SORBS2: variants seen among roughly 807,000 people sequenced by gnomAD.
SORBS2 encodes sorbin and SH3 domain containing 2, also known as sorbin and SH3 domain-containing protein 2.
Under a neutral mutation model 97.7 loss-of-function variants are expected in SORBS2, and 46 were observed. The observed-to-expected ratio is 0.47, with a 90% confidence interval of 0.37 to 0.60. The LOEUF (loss-of-function observed/expected upper bound fraction) is 0.60. Among genes scored for constraint, SORBS2 ranks in the 20% least tolerant of loss-of-function variants. SORBS2 has a pLI of 0.00. For synonymous variants in SORBS2, 476 were observed against 473.4 expected (o/e 1.01, Z -0.07); for missense variants, 1,316 against 1,282.3 (o/e 1.03, Z -0.40).
At chr4:185,685,105 A>T (rs1343017311) in intron 2 of SORBS2, among the ~76,000 whole-genome samples, 1 of 152,192 alleles carries the variant, frequency 6.6e-6, no homozygotes, top group Non-Finnish European at 1.5e-5. Flanking sequence ...TTAATACTTA[A>T]CATTTTATGG....
Position 185,623,056 on chromosome 4 carries a change from G to C in SORBS2, c.2073C>G (p.Leu691=). Residue 691 remains leucine (L), a synonymous_variant, in exon 7 of 15, where the codon CTC becomes CTG. Coordinates refer to ENST00000418609, the Ensembl canonical transcript of SORBS2. The surrounding 1 kb of genome is among the most constrained non-coding windows in gnomAD (Gnocchi z 6.4). ...TAGCACCATCGGGAGGCAGTGGGTG[G>C]AGAGGCTGGTGCAGGGGGCTCCTCC... 6.2e-7 allele frequency: 1 copy of C among 1,614,164 alleles called. No homozygotes were observed. Among genetic ancestry groups the C allele is most frequent in the Non-Finnish European group, 8.5e-7 (1 of 1,180,024 alleles).
intron 2 of SORBS2, 94 bp from the exon 12 acceptor site, chr4:185,649,750 G>C: frequency 1.4e-6 from 1 of 731,098 alleles, no homozygotes; most frequent in East Asian, 3.1e-5. Flanking sequence ...AATAGCCAAT[G>C]ATTGCATAGA....
intron 2 of SORBS2, among the ~76,000 whole-genome samples, chr4:185,691,578 A>G (rs12512174): frequency 0.055 from 8,296 of 152,202 alleles, 455 homozygotes; most frequent in East Asian, 0.22. Context: ...CACTGTCAAG[A>G]AAGATGAGAT....
chr4:185,885,141 C>A (rs1376763929), intron 1 of SORBS2, among the ~76,000 whole-genome samples: 1 of 152,230 alleles, frequency 6.6e-6, no homozygotes, highest in East Asian at 1.9e-4. Context: ...CATAAGCTCA[C>A]AGGCCTCTTC....
chr4:185,864,742 C>A (rs2099225834), intron 1 of SORBS2, among the ~76,000 whole-genome samples: 1 of 152,000 alleles, frequency 6.6e-6, no homozygotes, highest in South Asian at 2.1e-4. Flanking sequence ...GAAACCCTGT[C>A]TCTACTAAAA....
intron 2 of SORBS2, among the ~76,000 whole-genome samples, chr4:185,700,672 A>T (rs984233476): frequency 6.6e-6 from 1 of 152,188 alleles, no homozygotes; most frequent in African/African-American, 2.4e-5. Context: ...CATCTGGTTC[A>T]CAATTGTCAT....
At chr4:185,741,151 A>C (rs1404960143) in intron 2 of SORBS2, among the ~76,000 whole-genome samples, 1 of 152,124 alleles carries the variant, frequency 6.6e-6, no homozygotes, top group Non-Finnish European at 1.5e-5. Context: ...CCTTGACTAA[A>C]TATGACTCTG....
intron 1 of SORBS2, among the ~76,000 whole-genome samples, chr4:185,850,911 G>A (rs1201577506): frequency 1.3e-5 from 2 of 152,156 alleles, no homozygotes; most frequent in Non-Finnish European, 2.9e-5. Context: ...AAAGGCACAC[G>A]AGGGTAAATT....
rs116808661 is a variant in SORBS2, at chr4:185,753,918, C to T, written c.-198+21309G>A. On this transcript the variant is annotated intron_variant, in intron 2 of 20. Transcript: ENST00000284776. ...ATTTCTGATAGAACTTAAAACAGAA[C>T]TATCATTGACCCAGTAATCCCATTA... Among the ~76,000 whole-genome samples, 794 of 152,260 alleles carry T rather than the reference C, an allele frequency of 5.2e-3. 8 individuals carry two copies. Among genetic ancestry groups the T allele is most frequent in the African/African-American group, 0.018 (767 of 41,556 alleles).
At position 185,853,959 on chromosome 4, in the gene SORBS2, T is replaced by C. The variant is rs113196297; in HGVS notation, c.-337-78593A>G. Among the ~76,000 whole-genome samples, 194 of 152,358 alleles carry C rather than the reference T, an allele frequency of 1.3e-3. 2 individuals are homozygous for C. Among genetic ancestry groups the C allele is most frequent in the African/African-American group, 4.3e-3 (179 of 41,588 alleles). Reference sequence around the variant, plus strand: ...ATTCACATGTTACTCTGGTTACTTATAGGAGTCAGAGTTTAAGAATAGTCT... The same window carrying C: ...ATTCACATGTTACTCTGGTTACTTACAGGAGTCAGAGTTTAAGAATAGTCT... On this transcript the variant is annotated intron_variant, in intron 1 of 20. Transcript: ENST00000284776.
intron 4 of SORBS2, among the ~76,000 whole-genome samples, chr4:185,664,021 A>G (rs1166998922): frequency 6.6e-6 from 1 of 151,442 alleles, no homozygotes; most frequent in Non-Finnish European, 1.5e-5. Context: ...CGCCCGGCTA[A>G]TTTTTTGTAT....
chr4:185,791,635 C>A (rs1240344219), intron 1 of SORBS2, among the ~76,000 whole-genome samples: 2 of 151,844 alleles, frequency 1.3e-5, no homozygotes, highest in Non-Finnish European at 2.9e-5. Context: ...TAGGACTAAT[C>A]TGCAACGTGG....
At chr4:185,927,553 G>T (rs896743943) in intron 1 of SORBS2, among the ~76,000 whole-genome samples, 3 of 151,318 alleles carry the variant, frequency 2.0e-5, no homozygotes, top group African/African-American at 7.3e-5. Context: ...TTCTGTTCCT[G>T]TGTTAGTTTG....
intron 2 of SORBS2, among the ~76,000 whole-genome samples, chr4:185,728,553 C>A (rs1318058792): frequency 6.6e-6 from 1 of 152,160 alleles, no homozygotes; most frequent in East Asian, 1.9e-4. Flanking sequence ...AAACCACAGG[C>A]TCTTGTTTCT....
In SORBS2 at chr4:185,708,944, A is replaced by G. The variant is rs535207279; in HGVS notation, c.-197-30122T>C. On this transcript the variant is annotated intron_variant, in intron 2 of 20. Transcript: ENST00000284776. Reference sequence around the variant, plus strand: ...TTCTGGATCTCCAATCTTTATATCTATTTCTACGTGGGTATGACTGTATGT... The same window carrying G: ...TTCTGGATCTCCAATCTTTATATCTGTTTCTACGTGGGTATGACTGTATGT... Among the ~76,000 whole-genome samples the G allele has an allele frequency of 3.1e-4, 47 of 152,346 alleles. 1 individual carries two copies. The highest frequency in any genetic ancestry group is 2.4e-3 in the Admixed American group (37 of 15,304).
chr4:185,611,651 G>A (rs561196849), intron 12 of SORBS2, 129 bp downstream of exon 24: 2 of 684,514 alleles, frequency 2.9e-6, no homozygotes, highest in East Asian at 5.3e-5. Context: ...CACACATGTA[G>A]AAACATAATA....
chr4:185,868,889 A>G (rs2099228829), intron 1 of SORBS2, among the ~76,000 whole-genome samples: 1 of 152,252 alleles, frequency 6.6e-6, no homozygotes, highest in Non-Finnish European at 1.5e-5. Flanking sequence ...AGCACAGAAT[A>G]TTCCACTTTA....
intron 1 of SORBS2, among the ~76,000 whole-genome samples, chr4:185,907,112 G>A (rs1455106912): frequency 3.3e-5 from 5 of 151,240 alleles, no homozygotes; most frequent in African/African-American, 1.2e-4. Context: ...CTCCAGCCTG[G>A]GTGACAGAGC....
At chr4:185,779,727 A>T (rs2099017995) in intron 1 of SORBS2, among the ~76,000 whole-genome samples, 1 of 152,152 alleles carries the variant, frequency 6.6e-6, no homozygotes, top group African/African-American at 2.4e-5. Flanking sequence ...TGTGCTATAG[A>T]TGTTTAGAGA....
Sources: gnomAD v4.1 joint callset for allele counts (sites outside exome capture counted in the v4.1 genomes callset) on GRCh38, gnomAD v4.1.1 for gene constraint, Gnocchi (gnomAD v3.1) non-coding constraint, MANE v1.5 for transcripts, NCBI Gene and HGNC (gene_info 2026-07-23, HGNC 2026-07-21) for gene names.